The following CNTN4 variants were observed in gnomAD, a reference collection of about 807,000 sequenced individuals.
CNTN4 encodes the protein contactin 4, also known as contactin-4.
In CNTN4, 77 loss-of-function variants were observed where a neutral mutation model predicts 122.5. The observed-to-expected ratio is 0.63, with a 90% CI of 0.52 to 0.76. The LOEUF (loss-of-function observed/expected upper bound fraction) is 0.76, where lower values mean the gene tolerates loss of function less well. Among genes scored for constraint, CNTN4 ranks in the 30% least tolerant of loss-of-function variants. The probability of loss-of-function intolerance (pLI) is 0.00; values close to 1 mark genes in which losing one functional copy is unlikely to be tolerated. For missense variants in CNTN4, 1,256 were observed against 1,259.1 expected (o/e 1.00, Z 0.04); for synonymous variants, 512 against 447.0 (o/e 1.15, Z -1.83).
chr3:2,560,774 C>T (rs2078917945), intron 3 of CNTN4, among the ~76,000 whole-genome samples: 1 of 152,166 alleles, frequency 6.6e-6, no homozygotes, highest in South Asian at 2.1e-4. Context: ...GTAAAATAAT[C>T]TCCATGAGGG....
At chr3:2,721,054 C>A (rs557050236) in intron 4 of CNTN4, among the ~76,000 whole-genome samples, 1 of 152,258 alleles carries the variant, frequency 6.6e-6, no homozygotes, top group Admixed American at 6.5e-5. Context: ...CTCACTGCAA[C>A]CTCCACCTCC....
intron 2 of CNTN4, among the ~76,000 whole-genome samples, chr3:2,107,282 T>C (rs7427423): frequency 6.6e-6 from 1 of 152,184 alleles, no homozygotes; most frequent in Admixed American, 6.5e-5. Flanking sequence ...TCTCACATTG[T>C]TATAAAGAAC....
intron 4 of CNTN4, among the ~76,000 whole-genome samples, chr3:2,639,572 A>G (rs1418989126): frequency 2.6e-5 from 4 of 152,136 alleles, no homozygotes; most frequent in East Asian, 1.9e-4. Context: ...TTTGCTTATT[A>G]TATGTTTAAT....
At chr3:2,781,880 C>CCAT (rs2091598101) in intron 6 of CNTN4, among the ~76,000 whole-genome samples, 2 of 58,112 alleles carry the variant, frequency 3.4e-5, no homozygotes, top group African/African-American at 5.6e-5. Context: ...GCCCGCACCA[C>CCAT]GCCCGGCTAA....
intron 4 of CNTN4, among the ~76,000 whole-genome samples, chr3:2,682,283 C>A (rs1361152511): frequency 2.0e-5 from 3 of 152,194 alleles, no homozygotes; most frequent in African/African-American, 4.8e-5. Context: ...GTTCTGTCAA[C>A]CTTTTCTACC....
intron 17 of CNTN4, among the ~76,000 whole-genome samples, chr3:3,035,046 G>A (rs977492053): frequency 6.6e-6 from 1 of 152,046 alleles, no homozygotes; most frequent in Non-Finnish European, 1.5e-5. Context: ...GGTGGCTCAC[G>A]CCTGCAATCC....
At chr3:2,185,355 T>C (rs2037202425) in intron 2 of CNTN4, among the ~76,000 whole-genome samples, 1 of 152,180 alleles carries the variant, frequency 6.6e-6, no homozygotes, top group African/African-American at 2.4e-5. Context: ...CCCAACCCTA[T>C]GTCCAAATTC....
At chr3:2,721,953 A>G (rs918367595) in intron 4 of CNTN4, among the ~76,000 whole-genome samples, 1 of 152,154 alleles carries the variant, frequency 6.6e-6, no homozygotes, top group African/African-American at 2.4e-5. Flanking sequence ...CCCCTTTGCT[A>G]TGTGAGGACA....
intron 4 of CNTN4, among the ~76,000 whole-genome samples, chr3:2,688,496 A>G (rs1261147478): frequency 6.6e-6 from 1 of 152,358 alleles, no homozygotes; most frequent in African/African-American, 2.4e-5. Context: ...GAAGTGTATC[A>G]TATGCACACA....
chr3:3,045,027 C>G (rs1435337343), intron 23 of CNTN4, among the ~76,000 whole-genome samples: 1 of 152,218 alleles, frequency 6.6e-6, no homozygotes, highest in East Asian at 1.9e-4. Context: ...GCCCACAGAG[C>G]CTTGCTCGTT....
At chr3:2,700,103 G>A (rs767460) in intron 4 of CNTN4, among the ~76,000 whole-genome samples, 109,259 of 151,938 alleles carry the variant, frequency 0.72, 39,695 homozygotes, top group East Asian at 0.83. Flanking sequence ...AAATTACACA[G>A]CAAGCAGTAG....
At chr3:2,910,614 G>A (rs900062212) in intron 12 of CNTN4, among the ~76,000 whole-genome samples, 1 of 152,010 alleles carries the variant, frequency 6.6e-6, no homozygotes, top group Admixed American at 6.5e-5. Context: ...CCCTTCCCCT[G>A]TTTGAATTGA....
At chr3:2,625,280 T>C (rs2082141046) in intron 4 of CNTN4, among the ~76,000 whole-genome samples, 1 of 152,172 alleles carries the variant, frequency 6.6e-6, no homozygotes, top group African/African-American at 2.4e-5. Context: ...CTGGACATCT[T>C]GGGACCTCTT....
At chr3:2,675,305 G>A (rs746668386) in intron 4 of CNTN4, among the ~76,000 whole-genome samples, 4 of 151,842 alleles carry the variant, frequency 2.6e-5, no homozygotes, top group Non-Finnish European at 4.4e-5. Context: ...TTCAGGCTCC[G>A]GGACTTTTGT....
intron 10 of CNTN4, among the ~76,000 whole-genome samples, chr3:2,890,670 C>T (rs1874962): frequency 0.4 from 60,779 of 151,602 alleles, 12,734 homozygotes; most frequent in East Asian, 0.58. Flanking sequence ...ATGATTGTTC[C>T]CAGTGTCTGA....
chr3:2,713,216 AC>A lies in CNTN4; in HGVS notation c.56-22994del, dbSNP rs568856353. On this transcript the variant is annotated intron_variant, in intron 4 of 24. Coordinates refer to ENST00000418658, the MANE Select transcript of CNTN4 (RefSeq NM_175607.3). ...GGTATATTCAAAATGATATAGAAGG[AC>A]CCCCAAGTGGTATCTGCTGCAGAAT... Among the ~76,000 whole-genome samples, 54 of 151,956 alleles carry A rather than the reference AC, an allele frequency of 3.6e-4. 4 individuals are homozygous for A. The South Asian group carries it at 0.011, about 31-fold the overall frequency.
intron 4 of CNTN4, among the ~76,000 whole-genome samples, chr3:2,704,196 C>T (rs1418996894): frequency 6.8e-6 from 1 of 147,568 alleles, no homozygotes; most frequent in African/African-American, 2.5e-5. Flanking sequence ...ACTCGGGAGG[C>T]TGAGGCAGGA....
intron 3 of CNTN4, among the ~76,000 whole-genome samples, chr3:2,533,200 T>A (rs2077665535): frequency 6.6e-6 from 1 of 151,844 alleles, no homozygotes; most frequent in Non-Finnish European, 1.5e-5. Flanking sequence ...TTGTTTCATA[T>A]GTATACATGT....
intron 3 of CNTN4, among the ~76,000 whole-genome samples, chr3:2,340,704 T>TAG (rs1211078887): frequency 4.5e-4 from 8 of 17,808 alleles, no homozygotes; most frequent in African/African-American, 6.3e-4. Context: ...TATATATATA[T>TAG]ATATATAGAG....
Sources: allele counts gnomAD v4.1 joint callset (sites outside exome capture counted in the v4.1 genomes callset), GRCh38; gene constraint gnomAD v4.1.1; transcripts MANE v1.5; gene names NCBI Gene and HGNC (gene_info 2026-07-23, HGNC 2026-07-21).